The following RIT2 variants were observed in gnomAD, a reference collection of about 807,000 sequenced individuals.
RIT2 encodes GTP-binding protein Rit2.
In RIT2, 24 loss-of-function variants were observed where a neutral mutation model predicts 23.7. That is an observed-to-expected ratio of 1.01 (90% CI 0.73 to 1.43). The LOEUF (loss-of-function observed/expected upper bound fraction) is 1.43. RIT2 is among the 40% of genes most tolerant of loss of function. RIT2 has a pLI of 0.00. For missense variants in RIT2, 236 were observed against 266.9 expected (o/e 0.88, Z 0.81); for synonymous variants, 107 against 91.1 (o/e 1.17, Z -0.99).
At chr18:43,008,767 A>T (rs932025924) in intron 2 of RIT2, among the ~76,000 whole-genome samples, 1 of 151,554 alleles carries the variant, frequency 6.6e-6, no homozygotes, top group Non-Finnish European at 1.5e-5. Flanking sequence ...TGGAAAAAAA[A>T]TGTTTTTAAA....
chr18:42,879,094 G>C (rs1000664801), intron 4 of RIT2, among the ~76,000 whole-genome samples: 1 of 151,776 alleles, frequency 6.6e-6, no homozygotes, highest in Non-Finnish European at 1.5e-5. Flanking sequence ...TTACCAAGTC[G>C]ATCTTTTTAA....
Position 42,822,169 on chromosome 18 carries a change from T to A in RIT2, c.427-78449A>T, listed in dbSNP as rs145996220. The stretch of plus-strand genomic sequence containing the variant: ...ACCATTCATGCATGTAGAGTATTTT[T>A]ACTTTAGTATTGCATTTGTGTTTGA... On this transcript the variant is annotated intron_variant, in intron 4 of 4. Transcript: ENST00000326695. 5.2e-3 allele frequency among the ~76,000 whole-genome samples: 795 copies of A among 152,264 alleles called. 5 individuals are homozygous for A. Among genetic ancestry groups the A allele is most frequent in the African/African-American group, 0.017 (724 of 41,570 alleles).
chr18:42,787,241 G>C (rs1258231721), intron 4 of RIT2, among the ~76,000 whole-genome samples: 1 of 147,466 alleles, frequency 6.8e-6, no homozygotes, highest in Non-Finnish European at 1.5e-5. Context: ...TTGGTTTTTT[G>C]TCCTTGCGAT....
chr18:43,062,159 C>T (rs752666255), intron 1 of RIT2, among the ~76,000 whole-genome samples: 2 of 151,846 alleles, frequency 1.3e-5, no homozygotes, highest in African/African-American at 2.4e-5. Context: ...GGGAGGTTTA[C>T]GTGTATTTAA....
intron 4 of RIT2, among the ~76,000 whole-genome samples, chr18:42,816,592 C>T (rs779847143): frequency 6.6e-6 from 1 of 152,082 alleles, no homozygotes; most frequent in Non-Finnish European, 1.5e-5. Context: ...GAAAGGCTTA[C>T]ATAACATTGT....
intron 4 of RIT2, among the ~76,000 whole-genome samples, chr18:42,769,521 T>G (rs1261246049): frequency 2.0e-5 from 3 of 152,112 alleles, no homozygotes; most frequent in African/African-American, 4.8e-5. Context: ...TACTAGATCT[T>G]CATATTTTGT....
intron 4 of RIT2, among the ~76,000 whole-genome samples, chr18:42,774,448 G>A (rs530999904): frequency 6.6e-6 from 1 of 152,066 alleles, no homozygotes; most frequent in African/African-American, 2.4e-5. Context: ...CAACTTGACT[G>A]TATCAGTGTA....
intron 1 of RIT2, among the ~76,000 whole-genome samples, chr18:43,091,707 AG>A (rs1913427001): frequency 6.6e-6 from 1 of 152,104 alleles, no homozygotes. Flanking sequence ...GTGCTACAAA[AG>A]AAATTGCATT....
chr18:43,093,847 T>A (rs1913482998), intron 1 of RIT2, among the ~76,000 whole-genome samples: 1 of 152,024 alleles, frequency 6.6e-6, no homozygotes, highest in South Asian at 2.1e-4. Context: ...CACCACACTA[T>A]CTTCACATTT....
In RIT2 at chr18:43,078,004, T is replaced by C. The variant is rs547459068; in HGVS notation, c.103+37413A>G. ...GCAAAACATTAATATTGTTTCTAAT[T>C]GACATGTCTTGCTTCCTCCAAAGAC... is the stretch of plus-strand genomic sequence containing the variant. On this transcript the variant is annotated intron_variant, in intron 1 of 4. Coordinates refer to ENST00000326695, the MANE Select transcript of RIT2 (RefSeq NM_002930.4). Among the ~76,000 whole-genome samples the C allele has an allele frequency of 1.6e-3, 239 of 152,304 alleles. 1 individual carries two copies. The highest frequency in any genetic ancestry group is 2.6e-3 in the Non-Finnish European group (174 of 68,016).
At chr18:42,827,797 A>G (rs899612355) in intron 4 of RIT2, among the ~76,000 whole-genome samples, 4 of 152,040 alleles carry the variant, frequency 2.6e-5, no homozygotes, top group African/African-American at 7.2e-5. Context: ...CGAGGTCAGG[A>G]AATCAAGACC....
chr18:42,760,246 A>C (rs928233920), intron 4 of RIT2, among the ~76,000 whole-genome samples: 1 of 152,124 alleles, frequency 6.6e-6, no homozygotes, highest in African/African-American at 2.4e-5. Flanking sequence ...GACTCCTTTC[A>C]TTTGTTGCTT....
intron 4 of RIT2, among the ~76,000 whole-genome samples, chr18:42,834,026 T>C (rs17713111): frequency 0.11 from 16,050 of 152,118 alleles, 989 homozygotes; most frequent in Middle Eastern, 0.24. Flanking sequence ...GCTTCTGTTT[T>C]ACACAGAGGA....
intron 4 of RIT2, among the ~76,000 whole-genome samples, chr18:42,781,728 C>T (rs576060107): frequency 9.2e-5 from 14 of 152,138 alleles, no homozygotes; most frequent in South Asian, 4.1e-4. Context: ...CGGTCTTGCC[C>T]GTTGCTTTTC....
intron 2 of RIT2, among the ~76,000 whole-genome samples, chr18:42,998,068 C>A (rs959967502): frequency 2.0e-5 from 3 of 152,140 alleles, no homozygotes; most frequent in Admixed American, 6.6e-5. Context: ...TTACTTCCAA[C>A]TACTCACTGC....
At chr18:42,903,036 G>A (rs1908518445) in intron 4 of RIT2, among the ~76,000 whole-genome samples, 1 of 151,670 alleles carries the variant, frequency 6.6e-6, no homozygotes, top group South Asian at 2.1e-4. Flanking sequence ...GATCGAGGAG[G>A]CATAAAAATA....
At position 43,033,724 on chromosome 18, in the gene RIT2, A is replaced by G. The variant is rs559121626; in HGVS notation, c.160+87T>C. The G allele has an allele frequency of 5.9e-5, 53 of 895,814 alleles. No homozygotes were observed. In the African/African-American group the frequency reaches 8.2e-4, roughly 14 times the overall value. 55.5% of individuals were successfully genotyped at this position (895,814 alleles called of 1,614,324 possible). A position where few individuals can be genotyped will look rare whatever the true frequency, so the allele number is the denominator to read the frequency against. On this transcript the variant is annotated intron_variant, in intron 2 of 4. Transcript: ENST00000326695. Reference sequence around the variant, plus strand: ...CTGGGTCATAGAGTAAATTATATTTATTTTCCATCAACATTGCTATTATTT... The same window carrying G: ...CTGGGTCATAGAGTAAATTATATTTGTTTTCCATCAACATTGCTATTATTT...
At chr18:42,914,721 C>T (rs896913971) in intron 4 of RIT2, among the ~76,000 whole-genome samples, 5 of 151,818 alleles carry the variant, frequency 3.3e-5, no homozygotes, top group Non-Finnish European at 7.4e-5. Context: ...AGGCTACACA[C>T]GTGACATAAT....
chr18:42,750,264 A>G (rs1364093936), intron 4 of RIT2, among the ~76,000 whole-genome samples: 2 of 151,754 alleles, frequency 1.3e-5, no homozygotes, highest in African/African-American at 2.4e-5. Context: ...AAACAGAAAA[A>G]CTATTGTTTA....
Sources: allele counts gnomAD v4.1 joint callset (sites outside exome capture counted in the v4.1 genomes callset), GRCh38; gene constraint gnomAD v4.1.1; transcripts MANE v1.5; gene names NCBI Gene and HGNC (gene_info 2026-07-23, HGNC 2026-07-21).